TTC28: variants seen among roughly 807,000 people sequenced by gnomAD.
TTC28 encodes the protein tetratricopeptide repeat protein 28.
TTC28 carries 61 observed loss-of-function variants against 198.0 expected under a neutral mutation model. The observed-to-expected ratio is 0.31, with a 90% CI of 0.25 to 0.38. The LOEUF (loss-of-function observed/expected upper bound fraction) is 0.38, where lower values mean the gene tolerates loss of function less well. Among genes scored for constraint, TTC28 ranks in the 10% least tolerant of loss-of-function variants. The pLI is 1.00. For missense variants in TTC28, 2,678 were observed against 3,164.0 expected (o/e 0.85, Z 3.69); for synonymous variants, 1,171 against 1,297.8 (o/e 0.90, Z 2.10).
At chr22:28,409,100 T>C (rs1181864281) in intron 2 of TTC28, among the ~76,000 whole-genome samples, 1 of 152,154 alleles carries the variant, frequency 6.6e-6, no homozygotes, top group Admixed American at 6.5e-5. Context: ...AATGTGGGAG[T>C]TTCACTCTGC....
intron 5 of TTC28, among the ~76,000 whole-genome samples, chr22:28,244,614 G>T (rs1929944286): frequency 6.6e-6 from 1 of 152,136 alleles, no homozygotes; most frequent in South Asian, 2.1e-4. Flanking sequence ...CTTCAAAAAA[G>T]AAACCTAAAG....
intron 5 of TTC28, among the ~76,000 whole-genome samples, chr22:28,231,142 C>T (rs1364282265): frequency 6.6e-6 from 1 of 152,132 alleles, no homozygotes; most frequent in Admixed American, 6.5e-5. Context: ...CGTATAGGTA[C>T]TGTGCTAGAA....
At chr22:28,022,308 G>C (rs1312805433) in intron 13 of TTC28, among the ~76,000 whole-genome samples, 2 of 152,264 alleles carry the variant, frequency 1.3e-5, no homozygotes, top group African/African-American at 4.8e-5. Context: ...ACAGGGGTCA[G>C]GGAGGGTCCT....
At chr22:28,386,745 G>C (rs2046604881) in intron 2 of TTC28, among the ~76,000 whole-genome samples, 1 of 152,058 alleles carries the variant, frequency 6.6e-6, no homozygotes. Flanking sequence ...ACTGCATTTT[G>C]TCACTTCTTG....
At chr22:28,522,704 G>A (rs1175849759) in intron 2 of TTC28, among the ~76,000 whole-genome samples, 1 of 152,094 alleles carries the variant, frequency 6.6e-6, no homozygotes, top group Non-Finnish European at 1.5e-5. Context: ...AAAAAGGTAT[G>A]AAGTACCAAT....
At chr22:28,080,183 T>G (rs1941295599) in intron 12 of TTC28, among the ~76,000 whole-genome samples, 1 of 152,234 alleles carries the variant, frequency 6.6e-6, no homozygotes, top group African/African-American at 2.4e-5. Context: ...TCTGAGATCA[T>G]GTTTTCAATT....
intron 2 of TTC28, among the ~76,000 whole-genome samples, chr22:28,565,841 G>C (rs554441454): frequency 1.3e-5 from 2 of 152,158 alleles, no homozygotes; most frequent in East Asian, 1.9e-4. Context: ...TCCAGTTAGG[G>C]GGCTGGGACA....
intron 5 of TTC28, among the ~76,000 whole-genome samples, chr22:28,278,731 A>G (rs1006786387): frequency 3.3e-5 from 5 of 152,224 alleles, no homozygotes; most frequent in African/African-American, 1.2e-4. Flanking sequence ...CACTATTGCT[A>G]AAGCAAAGAA....
chr22:28,643,908 G>T (rs2051410966), intron 1 of TTC28, among the ~76,000 whole-genome samples: 1 of 152,068 alleles, frequency 6.6e-6, no homozygotes, highest in South Asian at 2.1e-4. Flanking sequence ...TATAAGATAG[G>T]TACTATTATT....
At chr22:28,670,464 G>A (rs892704467) in intron 1 of TTC28, among the ~76,000 whole-genome samples, 2 of 151,804 alleles carry the variant, frequency 1.3e-5, no homozygotes, top group Admixed American at 1.3e-4. Context: ...GGTTTCTTCC[G>A]CTTAGAATGT....
chr22:28,185,666 AG>A (rs1346650967), intron 5 of TTC28, among the ~76,000 whole-genome samples: 1 of 152,186 alleles, frequency 6.6e-6, no homozygotes, highest in East Asian at 1.9e-4. Flanking sequence ...GTTTACTTAC[AG>A]ATTATAAGAC....
chr22:28,288,524 T>C (rs1005631777), intron 5 of TTC28, among the ~76,000 whole-genome samples: 20 of 152,228 alleles, frequency 1.3e-4, no homozygotes, highest in Middle Eastern at 3.4e-3. Context: ...AAGAGTTATA[T>C]AGGCTGGGCG....
chr22:27,985,458 C>CA, intron 21 of TTC28, 102 bp from the exon 22 acceptor site: 1 of 901,746 alleles, frequency 1.1e-6, no homozygotes, highest in Non-Finnish European at 1.7e-6. Flanking sequence ...GGAATGCCTG[C>CA]AAGGCCCTTC....
At position 27,998,671 on chromosome 22, in the gene TTC28, G is replaced by A; in HGVS notation, c.4988C>T (p.Ala1663Val). The A allele has an allele frequency of 6.4e-7, 1 of 1,550,900 alleles. No individual in the cohort carries two copies. Among genetic ancestry groups the A allele is most frequent in the East Asian group, 2.4e-5 (1 of 40,916 alleles). Reference sequence around the variant, plus strand: ...GGCATGGATGAACATCTTAGAAGCAGCCACTGGCACAGGCCACAGAGACAC... The same window carrying A: ...GGCATGGATGAACATCTTAGAAGCAACCACTGGCACAGGCCACAGAGACAC... ...VLVSLWPVPV[A>V]ASKMFIHAFY... Residue 1663 changes from alanine to valine, a missense_variant, in exon 16 of 23, where the codon GCT becomes GTT. By Grantham distance (64) the Ala-to-Val change is moderately conservative. Transcript: ENST00000397906.
chr22:28,581,941 G>C (rs867334021), intron 2 of TTC28, among the ~76,000 whole-genome samples: 1 of 151,902 alleles, frequency 6.6e-6, no homozygotes, highest in African/African-American at 2.4e-5. Context: ...TTGAAACAGT[G>C]TATTATTTGG....
intron 2 of TTC28, among the ~76,000 whole-genome samples, chr22:28,523,844 A>G (rs1223907255): frequency 6.6e-6 from 1 of 152,228 alleles, no homozygotes; most frequent in Non-Finnish European, 1.5e-5. Flanking sequence ...GGCAATAATA[A>G]TACGTTTTAT....
intron 5 of TTC28, among the ~76,000 whole-genome samples, chr22:28,192,505 A>G (rs975203664): frequency 1.3e-5 from 2 of 152,194 alleles, no homozygotes; most frequent in Admixed American, 6.5e-5. Flanking sequence ...TCTCTGAACT[A>G]AAGGAGGATG....
At chr22:28,367,097 A>C (rs903996812) in intron 2 of TTC28, among the ~76,000 whole-genome samples, 2 of 152,114 alleles carry the variant, frequency 1.3e-5, no homozygotes, top group Non-Finnish European at 2.9e-5. Context: ...GACATAATAG[A>C]TATTTACATA....
chr22:28,199,089 A>AT (rs1925649281), intron 5 of TTC28, among the ~76,000 whole-genome samples: 1 of 152,074 alleles, frequency 6.6e-6, no homozygotes, highest in Admixed American at 6.6e-5. Context: ...CTTTAAAAGC[A>AT]TATTTCTAGA....
Sources: allele counts gnomAD v4.1 joint callset (sites outside exome capture counted in the v4.1 genomes callset), GRCh38; gene constraint gnomAD v4.1.1; transcripts MANE v1.5; gene names NCBI Gene and HGNC (gene_info 2026-07-23, HGNC 2026-07-21).